CCDC150: variants seen among roughly 807,000 people sequenced by gnomAD.
The protein encoded by CCDC150 is coiled-coil domain containing 150, also known as coiled-coil domain-containing protein 150.
CCDC150 carries 151 observed loss-of-function variants against 156.5 expected under a neutral mutation model. The observed-to-expected ratio is 0.97, with a 90% CI of 0.85 to 1.10. The LOEUF is 1.10. Among genes scored for constraint, CCDC150 ranks in the 50% least tolerant of loss-of-function variants. CCDC150 has a pLI of 0.00. For missense variants in CCDC150, 1,312 were observed against 1,268.1 expected, an observed-to-expected ratio of 1.03 and a Z score of -0.53; for synonymous variants, 452 against 429.4, an observed-to-expected ratio of 1.05 and a Z score of -0.65.
In CCDC150 at chr2:196,672,391, T is replaced by G. The variant is rs148697217; in HGVS notation, c.983T>G (p.Leu328Trp). 4.4e-4 allele frequency: 679 copies of G among 1,549,592 alleles called. 9 individuals carry two copies. The East Asian group carries it at 0.01, about 23-fold the overall frequency. Residue 328 changes from leucine (L) to tryptophan (W), a missense_variant, in exon 9 of 28, where the codon TTG becomes TGG. Transcript: ENST00000389175. ...AAGGAACATGAAGAAAATGCATATT[T>G]GAGGTCCGAAATAATGTCTCTTCAT... ...FNKEHEENAY[L>W]RSEIMSLHEA...
chr2:196,670,816 A>G (rs1164553033), intron 8 of CCDC150, among the ~76,000 whole-genome samples: 1 of 152,222 alleles, frequency 6.6e-6, no homozygotes, highest in Non-Finnish European at 1.5e-5. Flanking sequence ...TGGAATCTCA[A>G]TATAAGAATG....
chr2:196,642,010 A>C (rs1692258958), intron 1 of CCDC150, among the ~76,000 whole-genome samples: 1 of 152,196 alleles, frequency 6.6e-6, no homozygotes, highest in South Asian at 2.1e-4. Context: ...ACCTGCCTAG[A>C]AGCTCTTTGG....
chr2:196,703,354 C>T (rs1485617620), intron 15 of CCDC150, among the ~76,000 whole-genome samples: 1 of 152,112 alleles, frequency 6.6e-6, no homozygotes, highest in Non-Finnish European at 1.5e-5. Context: ...AAAAGAACTA[C>T]AATAAAAAGA....
In CCDC150 at chr2:196,676,162, C is replaced by T. The variant is rs751064982; in HGVS notation, c.1157C>T (p.Thr386Met). 3.1e-5 allele frequency: 50 copies of T among 1,613,326 alleles called. No homozygotes were observed. Among genetic ancestry groups the T allele is most frequent in the Admixed American group, 1.0e-4 (6 of 59,956 alleles). ...ACTCAGGTAGAGCAGAAAATGATGA[C>T]GCAGACATTTCAAGAACAAAACTTA... The part of the protein sequence containing the change: ...AILQVEQKMM[T>M]QTFQEQNLLL... The change falls in exon 11 of 28, where the codon ACG becomes ATG. Residue 386 changes from threonine (T) to methionine (M), a missense_variant. Coordinates refer to ENST00000389175, the MANE Select transcript of CCDC150 (RefSeq NM_001080539.2).
rs554218636 is a variant in CCDC150 at position 196,656,744 on chromosome 2, C to T, written c.288C>T (p.Asn96=). 3 of 1,613,788 alleles carry T rather than the reference C, an allele frequency of 1.9e-6. No individual in the cohort carries two copies. In the East Asian group the frequency reaches 6.7e-5, roughly 36 times the overall value. The part of the protein sequence containing the change: ...CAGKTDILWK[N]CEFLVNRMCR... ...GAAAAACAGATATTTTATGGAAGAA[C>T]TGTGAGTTTCTGGTAAATCGAATGT... is the stretch of plus-strand genomic sequence containing the variant. The change falls in exon 3 of 28, where the codon AAC becomes AAT. Residue 96 remains asparagine (N), a synonymous_variant. Coordinates refer to ENST00000389175, the MANE Select transcript of CCDC150 (RefSeq NM_001080539.2).
rs1239202817 is a variant in CCDC150, at chr2:196,639,715, A to C, written c.-52A>C. On this transcript the variant is annotated 5_prime_UTR_variant, in exon 1 of 28. Coordinates refer to ENST00000389175, the MANE Select transcript of CCDC150 (RefSeq NM_001080539.2). Reference sequence around the variant, plus strand: ...GCGGGTTGGTTTAAAATGCTGTGTTAGTTCCACGGAAACCCGCTCGCCTGC... The same window carrying C: ...GCGGGTTGGTTTAAAATGCTGTGTTCGTTCCACGGAAACCCGCTCGCCTGC... 6 of 1,500,774 alleles carry C rather than the reference A, an allele frequency of 4.0e-6. No homozygotes were observed. Among genetic ancestry groups the C allele is most frequent in the Non-Finnish European group, 5.4e-6 (6 of 1,115,154 alleles). 93.0% of individuals were successfully genotyped at this position (1,500,774 alleles called of 1,614,324 possible).
At chr2:196,656,523 TCA>T (rs1693196753) in intron 2 of CCDC150, 108 bp from the exon 3 acceptor site, 1 of 742,404 alleles carries the variant, frequency 1.3e-6, no homozygotes, top group Non-Finnish European at 2.2e-6. Context: ...GTTGGTGATG[TCA>T]CTCTCCAATT....
At chr2:196,694,690 C>T (rs1246548957) in intron 13 of CCDC150, among the ~76,000 whole-genome samples, 19 of 151,910 alleles carry the variant, frequency 1.3e-4, no homozygotes, top group Non-Finnish European at 8.8e-5. Flanking sequence ...GATGAAACCC[C>T]GTTTCTACTA....
At chr2:196,692,177 G>C (rs1453229627) in intron 13 of CCDC150, among the ~76,000 whole-genome samples, 24 of 136,070 alleles carry the variant, frequency 1.8e-4, no homozygotes, top group Non-Finnish European at 3.2e-4. Flanking sequence ...GCCCAGGCCG[G>C]ACTGCGGACT....
At position 196,732,488 on chromosome 2, in the gene CCDC150, C is replaced by A. The variant is rs1272310348; in HGVS notation, c.3232C>A (p.Leu1078Met). ...TGATGTCATGTCCAACCAATCTGTTCTGCATCGATGGGAGAGAAAACAGAA... is the reference window on the plus strand; with the variant it reads ...TGATGTCATGTCCAACCAATCTGTTATGCATCGATGGGAGAGAAAACAGAA... ...KHDVMSNQSV[L>M]HRWERKQNLR... The change falls in exon 28 of 28, where the codon CTG becomes ATG. Residue 1078 changes from leucine (L) to methionine (M), a missense_variant. By Grantham distance (15) the Leu-to-Met change is conservative. Transcript: ENST00000389175. The A allele has an allele frequency of 1.2e-6, 2 of 1,613,628 alleles. No homozygotes were observed. The highest frequency in any genetic ancestry group is 2.2e-5 in the South Asian group (2 of 91,074).
chr2:196,664,142 T>G (rs1311445427), intron 5 of CCDC150, among the ~76,000 whole-genome samples: 1 of 152,218 alleles, frequency 6.6e-6, no homozygotes, highest in Non-Finnish European at 1.5e-5. Context: ...AGAACACTTC[T>G]GACACCTGAA....
Position 196,712,740 on chromosome 2 carries a change from G to A in CCDC150, c.1866+1G>A, listed in dbSNP as rs753775033. ...GCAGGCAGATGCTCACCTGAAAGAA[G>A]TATTGGTAATGAAAGTGCTTACTTG... On this transcript the variant is annotated splice_donor_variant, in intron 17 of 27. Transcript: ENST00000389175. LOFTEE classifies it high-confidence loss of function. 6.8e-6 allele frequency: 11 copies of A among 1,607,748 alleles called. No individual in the cohort carries two copies. In the East Asian group the frequency reaches 2.0e-4, roughly 29 times the overall value.
At chr2:196,675,622 A>AGT (rs10670618) in intron 10 of CCDC150, among the ~76,000 whole-genome samples, 99,161 of 151,788 alleles carry the variant, frequency 0.65, 33,077 homozygotes, top group East Asian at 0.82. Flanking sequence ...AAACAGTTAT[A>AGT]GTGCTTCTGC....
intron 5 of CCDC150, among the ~76,000 whole-genome samples, chr2:196,665,239 C>T (rs1693774956): frequency 6.6e-6 from 1 of 152,178 alleles, no homozygotes; most frequent in Admixed American, 6.5e-5. Flanking sequence ...ACCCTTACTA[C>T]TTGCATGCAC....
intron 22 of CCDC150, 22 bp downstream of exon 22, chr2:196,726,121 C>G (rs1698196093): frequency 1.2e-6 from 2 of 1,610,724 alleles, no homozygotes. Context: ...AGAAAAGTTT[C>G]TCTTTTGGTG....
chr2:196,689,258 G>A (rs1695296865), intron 13 of CCDC150, among the ~76,000 whole-genome samples: 2 of 152,308 alleles, frequency 1.3e-5, no homozygotes, highest in South Asian at 4.1e-4. Context: ...GAACTTTAAA[G>A]TAGTTTTTTC....
chr2:196,653,146 C>G (rs1212956605), intron 2 of CCDC150, among the ~76,000 whole-genome samples: 1 of 152,216 alleles, frequency 6.6e-6, no homozygotes, highest in African/African-American at 2.4e-5. Flanking sequence ...TAGCATTTGG[C>G]TTCCTTTTAG....
Position 196,718,586 on chromosome 2 carries a change from G to A in CCDC150, c.1950G>A (p.Lys650=), listed in dbSNP as rs769419650. 1.2e-6 allele frequency: 2 copies of A among 1,613,824 alleles called. No individual in the cohort carries two copies. The highest frequency in any genetic ancestry group is 2.2e-5 in the East Asian group (1 of 44,876). The change falls in exon 18 of 28, where the codon AAG becomes AAA. Residue 650 remains lysine (K), a synonymous_variant. Transcript: ENST00000389175. ...ATGCGGCCCTGAAAGAGAGTCAGAAGTTGAAAGAAGACCTCGAGGCTGTGG... is the reference window on the plus strand; with the variant it reads ...ATGCGGCCCTGAAAGAGAGTCAGAAATTGAAAGAAGACCTCGAGGCTGTGG... ...CRNAALKESQ[K]LKEDLEAVED...
rs563186373 is a variant in CCDC150 at position 196,688,453 on chromosome 2, C to G, written c.1510-6593C>G. ...CGATCTTTGCACATTGATTTTGTAT[C>G]CTGAGACTGCTGAAGTTGCTTATCA... On this transcript the variant is annotated intron_variant, in intron 13 of 27. Transcript: ENST00000389175. Among the ~76,000 whole-genome samples, 6 of 152,248 alleles carry G rather than the reference C, an allele frequency of 3.9e-5. No individual in the cohort carries two copies. In the South Asian group the frequency reaches 1.0e-3, roughly 26 times the overall value.
Sources: gnomAD v4.1 joint callset for allele counts (sites outside exome capture counted in the v4.1 genomes callset) on GRCh38, gnomAD v4.1.1 for gene constraint, MANE v1.5 for transcripts, NCBI Gene and HGNC (gene_info 2026-07-23, HGNC 2026-07-21) for gene names.